LRSAM1: variants seen among roughly 807,000 people sequenced by gnomAD.
The protein encoded by LRSAM1 is E3 ubiquitin-protein ligase LRSAM1.
Under a neutral mutation model 118.1 loss-of-function variants are expected in LRSAM1, and 96 were observed. The observed-to-expected ratio is 0.81, with a 90% CI of 0.69 to 0.96. The LOEUF (loss-of-function observed/expected upper bound fraction) is 0.96. Among genes scored for constraint, LRSAM1 ranks in the 40% least tolerant of loss-of-function variants. The pLI is 0.00. For missense variants in LRSAM1, 804 were observed against 915.5 expected (o/e 0.88, Z 1.57); for synonymous variants, 322 against 364.2 (o/e 0.88, Z 1.32).
At chr9:127,457,937 C>T (rs1363262119) in intron 6 of LRSAM1, among the ~76,000 whole-genome samples, 8 of 151,558 alleles carry the variant, frequency 5.3e-5, no homozygotes, top group Non-Finnish European at 1.2e-4. Flanking sequence ...AAGAGAAAAG[C>T]CTGTATGTGT....
chr9:127,492,776 G>A, intron 20 of LRSAM1, 26 bp from the exon 21 acceptor site: 1 of 1,609,306 alleles, frequency 6.2e-7, no homozygotes, highest in Non-Finnish European at 8.5e-7. Context: ...AGCTCACGGT[G>A]GTGCGGGGTG....
chr9:127,451,498 G>T, upstream of LRSAM1: 1 of 705,712 alleles, frequency 1.4e-6, no homozygotes, highest in Non-Finnish European at 2.3e-6. Flanking sequence ...AGACGCCCTT[G>T]TCGCCATGTT....
Position 127,487,731 on chromosome 9 carries a change from C to T in LRSAM1, c.1315C>T (p.Gln439Ter). 6.2e-7 allele frequency: 1 copy of T among 1,613,584 alleles called. No homozygotes were observed. The highest frequency in any genetic ancestry group is 8.5e-7 in the Non-Finnish European group (1 of 1,179,816). The part of the protein sequence containing the change: ...QQILSWQQMD[Q>*]NKAISQILQE... Reference sequence around the variant, plus strand: ...GATTCTGTCGTGGCAGCAAATGGATCAGAACAAAGCCATCAGCCAGATCCT... The same window carrying T: ...GATTCTGTCGTGGCAGCAAATGGATTAGAACAAAGCCATCAGCCAGATCCT... Residue 439 changes from glutamine to a stop codon, truncating the protein, a stop_gained, in exon 18 of 26, where the codon CAG becomes TAG. Coordinates refer to ENST00000300417, the MANE Select transcript of LRSAM1 (RefSeq NM_001005373.4). LOFTEE classifies it high-confidence loss of function.
chr9:127,496,650 G>A (rs1836157024), intron 23 of LRSAM1, among the ~76,000 whole-genome samples: 1 of 152,104 alleles, frequency 6.6e-6, no homozygotes, highest in Admixed American at 6.6e-5. Flanking sequence ...TTTCAGTTGA[G>A]ACCCAGTAAG....
At position 127,501,023 on chromosome 9, in the gene LRSAM1, A is replaced by G; in HGVS notation, c.1926A>G (p.Pro642=). Residue 642 remains proline, a synonymous_variant, in exon 25 of 26, where the codon CCA becomes CCG. Coordinates refer to ENST00000300417, the MANE Select transcript of LRSAM1 (RefSeq NM_001005373.4). ...TGGTCCCCACAGAGCTGAAACCACC[A>G]ATGGGTGAGGTCGTCACCCCTACGG... ...AARIQPELKP[P]MGEVVTPTAP... is the part of the protein sequence containing the mutation. 1 of 1,613,864 alleles carries G rather than the reference A, an allele frequency of 6.2e-7. No individual in the cohort carries two copies. The highest frequency in any genetic ancestry group is 1.1e-5 in the South Asian group (1 of 91,070).
At chr9:127,500,358 C>CAAAAAAAAAAAAAAAAAA in intron 24 of LRSAM1, among the ~76,000 whole-genome samples, 1 of 93,538 alleles carries the variant, frequency 1.1e-5, no homozygotes, top group African/African-American at 4.1e-5. Context: ...GAGACTGTCT[C>CAAAAAAAAAAAAAAAAAA]AAAAAAAAAA....
At position 127,451,574 on chromosome 9, in the gene LRSAM1, G is replaced by A; in HGVS notation, c.-284G>A. On this transcript the variant is annotated 5_prime_UTR_variant, in exon 1 of 26. Coordinates refer to ENST00000300417, the MANE Select transcript of LRSAM1 (RefSeq NM_001005373.4). The stretch of plus-strand genomic sequence containing the variant: ...GGCACCGCGGTGCGCTGAAGCTAGA[G>A]ATTCCGAAAGGGGGTTCGGGTAGTT... The A allele has an allele frequency of 1.8e-6, 1 of 560,312 alleles. No individual in the cohort carries two copies. Among genetic ancestry groups the A allele is most frequent in the Non-Finnish European group, 3.2e-6 (1 of 311,464 alleles). The allele number at this position is 560,312 out of a possible 1,614,324, so 34.7% of individuals were successfully genotyped here.
At chr9:127,463,423 A>T (rs1387402356) in intron 9 of LRSAM1, among the ~76,000 whole-genome samples, 1 of 151,764 alleles carries the variant, frequency 6.6e-6, no homozygotes, top group Non-Finnish European at 1.5e-5. Context: ...AGGCCAGGGG[A>T]GTTCTATAGG....
chr9:127,496,172 C>T, intron 23 of LRSAM1, 77 bp downstream of exon 23: 2 of 1,582,412 alleles, frequency 1.3e-6, no homozygotes, highest in Admixed American at 3.4e-5. Flanking sequence ...TGATCTGCTC[C>T]TTGTGTAGTC....
At chr9:127,471,514 C>T (rs150211830) in intron 10 of LRSAM1, among the ~76,000 whole-genome samples, 6,647 of 128,148 alleles carry the variant, frequency 0.052, 538 homozygotes, top group African/African-American at 0.18. Flanking sequence ...GGGCTGGGCG[C>T]GGTGGCTCAC....
intron 5 of LRSAM1, among the ~76,000 whole-genome samples, chr9:127,456,793 G>T (rs2131995616): frequency 1.3e-5 from 2 of 151,918 alleles, no homozygotes; most frequent in East Asian, 2.0e-4. Context: ...TTGAACCTGG[G>T]AGGCGGAGGT....
intron 12 of LRSAM1, 61 bp downstream of exon 12, chr9:127,479,024 A>C: frequency 1.9e-4 from 290 of 1,531,752 alleles, no homozygotes; most frequent in Non-Finnish European, 2.4e-4. Flanking sequence ...AACTCAACTC[A>C]TAAAATATTT....
In LRSAM1 at chr9:127,482,763, G is replaced by A. The variant is rs980964202; in HGVS notation, c.1089-187G>A. ...GTCCATCTTTTTACACAAGATACTCGAACTACAGGCTGAAGGCGAACAGAG... is the reference window on the plus strand; with the variant it reads ...GTCCATCTTTTTACACAAGATACTCAAACTACAGGCTGAAGGCGAACAGAG... On this transcript the variant is annotated intron_variant, in intron 15 of 25. Coordinates refer to ENST00000300417, the MANE Select transcript of LRSAM1 (RefSeq NM_001005373.4). Among the ~76,000 whole-genome samples the A allele has an allele frequency of 7.9e-5, 12 of 152,144 alleles. No individual in the cohort carries two copies. Among genetic ancestry groups the A allele is most frequent in the South Asian group, 2.1e-4 (1 of 4,824 alleles).
intron 17 of LRSAM1, among the ~76,000 whole-genome samples, chr9:127,487,202 A>C (rs911091913): frequency 1.3e-5 from 2 of 149,970 alleles, no homozygotes; most frequent in Non-Finnish European, 3.0e-5. Context: ...AAAAAAAAAC[A>C]ACCAAGATGG....
chr9:127,475,815 A>G (rs1251569789), intron 11 of LRSAM1, among the ~76,000 whole-genome samples: 1 of 151,918 alleles, frequency 6.6e-6, no homozygotes, highest in Non-Finnish European at 1.5e-5. Context: ...ATCTTGGCTC[A>G]CTGCAACCTC....
At chr9:127,495,262 G>T in intron 21 of LRSAM1, 58 bp from the exon 22 acceptor site, 1 of 1,540,036 alleles carries the variant, frequency 6.5e-7, no homozygotes, top group Admixed American at 1.7e-5. Context: ...AACCATCATT[G>T]TTATTACAGG....
chr9:127,461,152 C>G (rs772138672), intron 7 of LRSAM1, 21 bp from the exon 8 acceptor site: 2 of 1,601,518 alleles, frequency 1.2e-6, no homozygotes, highest in East Asian at 4.5e-5. Context: ...CTGCGCCTGG[C>G]TGCCTCTTCC....
chr9:127,468,576 C>T (rs1173773970), intron 10 of LRSAM1, among the ~76,000 whole-genome samples: 1 of 152,126 alleles, frequency 6.6e-6, no homozygotes, highest in Non-Finnish European at 1.5e-5. Flanking sequence ...ATGGTCTTTT[C>T]AATAGCTGAT....
At chr9:127,495,013 G>A (rs1437631188) in intron 21 of LRSAM1, among the ~76,000 whole-genome samples, 5 of 152,138 alleles carry the variant, frequency 3.3e-5, no homozygotes, top group South Asian at 2.1e-4. Flanking sequence ...GTGCAGTGGC[G>A]CGATCTCAGC....
Sources: allele counts gnomAD v4.1 joint callset (sites outside exome capture counted in the v4.1 genomes callset), GRCh38; gene constraint gnomAD v4.1.1; transcripts MANE v1.5; gene names NCBI Gene and HGNC (gene_info 2026-07-23, HGNC 2026-07-21).